The following RARB variants were observed in gnomAD, a reference collection of about 807,000 sequenced individuals.
The protein encoded by RARB is retinoic acid receptor beta.
RARB carries 17 observed loss-of-function variants against 51.9 expected under a neutral mutation model. The ratio of observed to expected loss-of-function variants is 0.33; its 90% confidence interval spans 0.22 to 0.49. The LOEUF is 0.49. Among genes scored for constraint, RARB ranks in the 20% least tolerant of loss-of-function variants. RARB has a pLI of 0.99. For synonymous variants in RARB, 215 were observed against 195.4 expected (o/e 1.10, Z -0.84); for missense variants, 369 against 550.8 (o/e 0.67, Z 3.30).
chr3:25,325,200 T>A (rs948596730), intron 5 of RARB, among the ~76,000 whole-genome samples: 7 of 152,172 alleles, frequency 4.6e-5, no homozygotes, highest in African/African-American at 1.4e-4. Context: ...AGCTTCCTGA[T>A]GTTGCCATGG....
chr3:25,075,759 T>C (rs1213851590), intron 3 of RARB, among the ~76,000 whole-genome samples: 1 of 152,114 alleles, frequency 6.6e-6, no homozygotes, highest in Non-Finnish European at 1.5e-5. Flanking sequence ...GCACACTGTT[T>C]TGGAGTTACT....
chr3:25,295,194 A>G (rs1034847506), intron 5 of RARB, among the ~76,000 whole-genome samples: 6 of 152,182 alleles, frequency 3.9e-5, no homozygotes, highest in Non-Finnish European at 8.8e-5. Flanking sequence ...ACTGTTGGGC[A>G]TTTTAACTGC....
At chr3:25,070,489 C>G (rs977332788) in intron 3 of RARB, among the ~76,000 whole-genome samples, 1 of 151,986 alleles carries the variant, frequency 6.6e-6, no homozygotes, top group Non-Finnish European at 1.5e-5. Context: ...GTATCAAGGA[C>G]TCTTAGGTGC....
At chr3:24,913,345 T>C (rs989497396) in intron 2 of RARB, among the ~76,000 whole-genome samples, 8 of 151,490 alleles carry the variant, frequency 5.3e-5, no homozygotes, top group South Asian at 2.1e-4. Context: ...TTACAGACAA[T>C]TGTAGAGACA....
chr3:25,393,207 G>A (rs984102049), intron 5 of RARB, among the ~76,000 whole-genome samples: 1 of 151,652 alleles, frequency 6.6e-6, no homozygotes, highest in African/African-American at 2.4e-5. Flanking sequence ...ACTTCTATAT[G>A]TTAAGCCATC....
At chr3:24,836,398 G>A (rs1702345907) in intron 1 of RARB, among the ~76,000 whole-genome samples, 2 of 152,168 alleles carry the variant, frequency 1.3e-5, no homozygotes. Context: ...AACCTAGTTT[G>A]AATTACATGA....
At position 24,934,740 on chromosome 3, in the gene RARB, G is replaced by A. The variant is rs781443414; in HGVS notation, c.-380+75988G>A. On this transcript the variant is annotated intron_variant, in intron 2 of 11. Coordinates refer to the RARB transcript ENST00000383772. ...CTTGGCCATATTCCTATATTATTAT[G>A]ACCAAATGCCATTTTATTTCCAAGT... Among the ~76,000 whole-genome samples, 3 of 152,086 alleles carry A rather than the reference G, an allele frequency of 2.0e-5. No individual in the cohort carries two copies. In the East Asian group the frequency reaches 5.8e-4, roughly 29 times the overall value.
In RARB at chr3:25,246,519, T is replaced by C. The variant is rs566113047; in HGVS notation, c.178+71944T>C. On this transcript the variant is annotated intron_variant, in intron 5 of 11. Transcript: ENST00000383772. Reference sequence around the variant, plus strand: ...GGAGTTTTTGCATGGTTGTCCTTTTTGTTGATATTGTTGCTATTCCTTTCT... The same window carrying C: ...GGAGTTTTTGCATGGTTGTCCTTTTCGTTGATATTGTTGCTATTCCTTTCT... Among the ~76,000 whole-genome samples the C allele has an allele frequency of 3.2e-3, 483 of 152,274 alleles. 2 individuals carry two copies. The highest frequency in any genetic ancestry group is 3.5e-3 in the Non-Finnish European group (240 of 68,024).
chr3:25,086,552 G>A (rs1474520247), intron 3 of RARB, among the ~76,000 whole-genome samples: 8 of 152,184 alleles, frequency 5.3e-5, no homozygotes, highest in African/African-American at 1.9e-4. Context: ...TGGTGACACA[G>A]CCCCAGGAGA....
At chr3:25,162,106 T>C (rs1054141815) in intron 4 of RARB, among the ~76,000 whole-genome samples, 1 of 152,090 alleles carries the variant, frequency 6.6e-6, no homozygotes, top group African/African-American at 2.4e-5. Context: ...CTATTTCTTT[T>C]TTAAGTTTAT....
intron 3 of RARB, among the ~76,000 whole-genome samples, chr3:25,115,020 A>C (rs1699663186): frequency 6.6e-6 from 1 of 152,196 alleles, no homozygotes; most frequent in Non-Finnish European, 1.5e-5. Context: ...TAATTACTTT[A>C]AAAAATCATT....
At chr3:25,431,337 T>G (rs1708199435) in intron 1 of RARB, among the ~76,000 whole-genome samples, 1 of 152,062 alleles carries the variant, frequency 6.6e-6, no homozygotes, top group African/African-American at 2.4e-5. Flanking sequence ...CAAGCTCACT[T>G]TGAAAGGTGT....
chr3:25,479,656 C>T (rs1042119436), intron 2 of RARB, among the ~76,000 whole-genome samples: 1 of 152,158 alleles, frequency 6.6e-6, no homozygotes, highest in Non-Finnish European at 1.5e-5. Context: ...GAGTTGAAGA[C>T]TTGGAAGTCT....
intron 2 of RARB, among the ~76,000 whole-genome samples, chr3:24,898,900 C>A (rs1222953425): frequency 6.6e-6 from 1 of 152,156 alleles, no homozygotes; most frequent in Non-Finnish European, 1.5e-5. Context: ...TGTGTTTCTA[C>A]TCAGTAACAG....
At chr3:25,327,299 G>A (rs1385250959) in intron 5 of RARB, among the ~76,000 whole-genome samples, 1 of 151,980 alleles carries the variant, frequency 6.6e-6, no homozygotes, top group East Asian at 1.9e-4. Flanking sequence ...AGATGTCTGG[G>A]TACAGTTATT....
At chr3:25,394,714 A>G (rs796912903) in intron 5 of RARB, among the ~76,000 whole-genome samples, 11 of 152,264 alleles carry the variant, frequency 7.2e-5, no homozygotes, top group African/African-American at 2.4e-4. Context: ...ATATAAGAAA[A>G]GCTAGTCCTT....
At chr3:25,048,803 T>G (rs992476079) in intron 2 of RARB, among the ~76,000 whole-genome samples, 4 of 130,844 alleles carry the variant, frequency 3.1e-5, no homozygotes, top group African/African-American at 1.2e-4. Flanking sequence ...TTGCCCAGGC[T>G]GGAGTGCAGT....
intron 3 of RARB, among the ~76,000 whole-genome samples, chr3:25,546,601 A>G (rs1479464477): frequency 2.6e-5 from 4 of 152,178 alleles, no homozygotes; most frequent in African/African-American, 2.4e-5. Flanking sequence ...TATTAGTGCC[A>G]GAGAAAAGCT....
rs192302938 is a variant in RARB at position 25,300,865 on chromosome 3, C to T, written c.178+126290C>T. Among the ~76,000 whole-genome samples the T allele has an allele frequency of 8.1e-3, 1,237 of 152,166 alleles. 10 individuals carry two copies. Among genetic ancestry groups the T allele is most frequent in the African/African-American group, 0.028 (1,153 of 41,500 alleles). On this transcript the variant is annotated intron_variant, in intron 5 of 11. Coordinates refer to the RARB transcript ENST00000383772. Reference sequence around the variant, plus strand: ...AAAAAAAATTAGCTGGGCATGGTGGCGGGTGCCTGTAATCCCAGCTACTCA... The same window carrying T: ...AAAAAAAATTAGCTGGGCATGGTGGTGGGTGCCTGTAATCCCAGCTACTCA...
Sources: gnomAD v4.1 joint callset for allele counts (sites outside exome capture counted in the v4.1 genomes callset) on GRCh38, gnomAD v4.1.1 for gene constraint, MANE v1.5 for transcripts, NCBI Gene and HGNC (gene_info 2026-07-23, HGNC 2026-07-21) for gene names.